MT4: variants seen among roughly 807,000 people sequenced by gnomAD.
The protein encoded by MT4 is metallothionein 4.
Under a neutral mutation model 9.5 loss-of-function variants are expected in MT4, and 11 were observed. The ratio of observed to expected loss-of-function variants is 1.16; its 90% CI spans 0.73 to 1.92. The LOEUF (loss-of-function observed/expected upper bound fraction) is 1.92, where lower values mean the gene tolerates loss of function less well. Among genes scored for constraint, MT4 ranks in the 30% most tolerant of loss-of-function variants. The pLI is 0.00. For synonymous variants in MT4, 29 were observed against 24.6 expected, an observed-to-expected ratio of 1.18 and a Z score of -0.53; for missense variants, 88 against 78.7, an observed-to-expected ratio of 1.12 and a Z score of -0.45.
chr16:56,568,625 C>T (rs1369658999), intron 2 of MT4, among the ~76,000 whole-genome samples: 1 of 152,198 alleles, frequency 6.6e-6, no homozygotes, highest in Non-Finnish European at 1.5e-5. Context: ...GGCAAACCCC[C>T]TCCCTTCTGT....
At chr16:56,567,582 A>G (rs1198052636) in intron 1 of MT4, among the ~76,000 whole-genome samples, 169 bp from the exon 2 acceptor site, 1 of 152,162 alleles carries the variant, frequency 6.6e-6, no homozygotes, top group African/African-American at 2.4e-5. Context: ...GGACTATTGC[A>G]GAGTCCTTGA....
At chr16:56,568,763 C>T in intron 2 of MT4, 78 bp from the exon 3 acceptor site, 1 of 1,009,510 alleles carries the variant, frequency 9.9e-7, no homozygotes, top group African/African-American at 1.6e-5. Context: ...TTCCTACTTC[C>T]TCTAAGTAGT....
At chr16:56,565,291 C>A in intron 1 of MT4, 132 bp downstream of exon 1, 2 of 930,954 alleles carry the variant, frequency 2.1e-6, no homozygotes, top group African/African-American at 1.7e-5. Flanking sequence ...TGGGAGCCGA[C>A]AGGTGGACTG....
chr16:56,568,622 C>G (rs1297302104), intron 2 of MT4, among the ~76,000 whole-genome samples: 1 of 152,102 alleles, frequency 6.6e-6, no homozygotes, highest in Admixed American at 6.5e-5. Flanking sequence ...CTTGGCAAAC[C>G]CCCTCCCTTC....
At chr16:56,568,271 GAGAAAGAAAGAAAGAA>G (rs58324349) in intron 2 of MT4, among the ~76,000 whole-genome samples, 833 of 58,616 alleles carry the variant, frequency 0.014, 14 homozygotes, top group African/African-American at 0.045. Flanking sequence ...GAGAGAGAGA[GAGAAAGAAAGAAAGAA>G]AGAAAGAAAG....
chr16:56,567,680 C>A, intron 1 of MT4, 71 bp from the exon 2 acceptor site: 1 of 1,409,752 alleles, frequency 7.1e-7, no homozygotes, highest in South Asian at 1.2e-5. Context: ...CTCTGACAGT[C>A]GGCATCATGC....
Position 56,567,809 on chromosome 16 carries a change from T to A in MT4, c.90T>A (p.Tyr30Ter), listed in dbSNP as rs111886560. 1 of 1,612,688 alleles carries A rather than the reference T, an allele frequency of 6.2e-7. No homozygotes were observed. The highest frequency in any genetic ancestry group is 8.5e-7 in the Non-Finnish European group (1 of 1,179,028). Residue 30 changes from tyrosine to a stop codon, truncating the protein, a stop_gained, in exon 2 of 3, where the codon TAT becomes TAA. Transcript: ENST00000219162. LOFTEE classifies it high-confidence loss of function. ...GCACAACCTGCAACTGTAAAACATA[T>A]TGGAAGAGTGAGTATGGTGACTGGG... ...CKCTTCNCKT[Y>*]WKSCCPCCPP...
At chr16:56,565,469 T>C (rs1403893074) in intron 1 of MT4, among the ~76,000 whole-genome samples, 2 of 152,178 alleles carry the variant, frequency 1.3e-5, no homozygotes, top group Non-Finnish European at 2.9e-5. Flanking sequence ...TAAACCAGAA[T>C]CTGGCAACCT....
At position 56,568,891 on chromosome 16, in the gene MT4, A is replaced by G; in HGVS notation, c.148A>G (p.Ile50Val). The G allele has an allele frequency of 6.2e-7, 1 of 1,608,748 alleles. No homozygotes were observed. Among genetic ancestry groups the G allele is most frequent in the Non-Finnish European group, 8.5e-7 (1 of 1,177,194 alleles). Residue 50 changes from isoleucine to valine, a missense_variant, in exon 3 of 3, where the codon ATC becomes GTC. Ile to Val is a conservative substitution (Grantham distance 29). Coordinates refer to ENST00000219162, the MANE Select transcript of MT4 (RefSeq NM_032935.3). ...PGCAKCARGCICKGGSDKCSC... is the reference protein window; with the variant it reads ...PGCAKCARGCVCKGGSDKCSC... Reference sequence around the variant, plus strand: ...CTGTGCCAAATGTGCCCGGGGCTGCATCTGCAAAGGAGGCTCAGACAAGTG... The same window carrying G: ...CTGTGCCAAATGTGCCCGGGGCTGCGTCTGCAAAGGAGGCTCAGACAAGTG...
At chr16:56,568,319 A>G (rs967130365) in intron 2 of MT4, among the ~76,000 whole-genome samples, 12 of 149,644 alleles carry the variant, frequency 8.0e-5, no homozygotes, top group East Asian at 2.0e-4. Context: ...GAAAGAAAGA[A>G]AGAAAGAAAG....
Position 56,565,140 on chromosome 16 carries a change from G to A in MT4, c.12G>A (p.Arg4=), listed in dbSNP as rs1959500317. 3 of 1,613,120 alleles carry A rather than the reference G, an allele frequency of 1.9e-6. No individual in the cohort carries two copies. The highest frequency in any genetic ancestry group is 1.3e-5 in the African/African-American group (1 of 75,018). MDP[R]ECVCMSGGIC... is the part of the protein sequence containing the mutation. ...CGGACACCTGGACCATGGACCCCAG[G>A]GAATGTGTCTGCATGTCTGGTGAGT... The change falls in exon 1 of 3, where the codon AGG becomes AGA. Residue 4 remains arginine, a synonymous_variant. Coordinates refer to ENST00000219162, the MANE Select transcript of MT4 (RefSeq NM_032935.3).
intron 1 of MT4, among the ~76,000 whole-genome samples, chr16:56,566,729 AGAAAGAAAGAAAGAAAGAAG>A (rs1168142048): frequency 0.013 from 327 of 25,072 alleles, 4 homozygotes; most frequent in African/African-American, 0.032. Flanking sequence ...AAAGAAAGAA[AGAAAGAAAGAAAGAAAGAAG>A]GAAGGAAGGA....
At position 56,568,274 on chromosome 16, in the gene MT4, A is replaced by AG. The variant is rs1567330666; in HGVS notation, c.97+458_97+459insG. On this transcript the variant is annotated intron_variant, in intron 2 of 2. Transcript: ENST00000219162. Reference sequence around the variant, plus strand: ...AAGAAAGAAAGAGAGAGAGAGAGAGAAAGAAAGAAAGAAAGAAAGAAAGAA... The same window carrying AG: ...AAGAAAGAAAGAGAGAGAGAGAGAGAGAAGAAAGAAAGAAAGAAAGAAAGAA... 3.9e-4 allele frequency among the ~76,000 whole-genome samples: 42 copies of AG among 107,892 alleles called. 1 individual carries two copies. The highest frequency in any genetic ancestry group is 2.8e-3 in the East Asian group (11 of 3,910). The allele number at this position is 107,892 out of a possible 152,430, so 70.8% of individuals were successfully genotyped here.
rs1461875131 is a variant in MT4 at position 56,565,369 on chromosome 16, C to T, written c.31+210C>T. On this transcript the variant is annotated intron_variant, in intron 1 of 2. Coordinates refer to ENST00000219162, the MANE Select transcript of MT4 (RefSeq NM_032935.3). ...TGATTTTCTAGAATCGATATCCTAGCTCAGGGAATGGCTGAGAGGGGGACT... is the reference window on the plus strand; with the variant it reads ...TGATTTTCTAGAATCGATATCCTAGTTCAGGGAATGGCTGAGAGGGGGACT... 2.0e-5 allele frequency among the ~76,000 whole-genome samples: 3 copies of T among 152,236 alleles called. No homozygotes were observed. The East Asian group carries it at 5.8e-4, about 29-fold the overall frequency.
At chr16:56,567,340 C>A (rs1468926855) in intron 1 of MT4, among the ~76,000 whole-genome samples, 2 of 151,928 alleles carry the variant, frequency 1.3e-5, no homozygotes, top group African/African-American at 4.8e-5. Context: ...GTGTGAAAGG[C>A]TTTGATAGTT....
intron 2 of MT4, 21 bp from the exon 3 acceptor site, chr16:56,568,820 C>A (rs368208785): frequency 2.6e-6 from 4 of 1,553,626 alleles, no homozygotes; most frequent in South Asian, 2.4e-5. Flanking sequence ...AGCGGATCTG[C>A]GCATCTCCTG....
chr16:56,568,209 G>GAA (rs754691955), intron 2 of MT4, among the ~76,000 whole-genome samples: 4 of 61,562 alleles, frequency 6.5e-5, no homozygotes, highest in Non-Finnish European at 6.7e-5. Flanking sequence ...GAGAGAGAGA[G>GAA]AGAGAGAAAG....
intron 1 of MT4, among the ~76,000 whole-genome samples, chr16:56,566,931 G>A (rs552024198): frequency 6.6e-6 from 1 of 152,284 alleles, no homozygotes; most frequent in South Asian, 2.1e-4. Flanking sequence ...TGTGGCTCTT[G>A]TTTTGAGTTC....
chr16:56,567,839 C>T (rs370043369), intron 2 of MT4, 23 bp downstream of exon 2: 38 of 1,601,712 alleles, frequency 2.4e-5, no homozygotes, highest in Non-Finnish European at 3.2e-5. Context: ...ACTGGGGGCA[C>T]CATGGGCTGG....
Sources: allele counts gnomAD v4.1 joint callset (sites outside exome capture counted in the v4.1 genomes callset), GRCh38; gene constraint gnomAD v4.1.1; transcripts MANE v1.5; gene names NCBI Gene and HGNC (gene_info 2026-07-23, HGNC 2026-07-21).